JAK1: variants seen among roughly 807,000 people sequenced by gnomAD.
The protein encoded by JAK1 is tyrosine-protein kinase JAK1.
Under a neutral mutation model 136.6 loss-of-function variants are expected in JAK1, and 16 were observed. The observed-to-expected ratio is 0.12, with a 90% CI of 0.08 to 0.18. The LOEUF (loss-of-function observed/expected upper bound fraction) is 0.18, where lower values mean the gene tolerates loss of function less well. Among genes scored for constraint, JAK1 ranks in the 10% least tolerant of loss-of-function variants. JAK1 has a pLI of 1.00. For missense variants in JAK1, 859 were observed against 1,450.1 expected (o/e 0.59, Z 6.62); for synonymous variants, 492 against 519.5 (o/e 0.95, Z 0.72).
At chr1:64,861,746 G>GC (rs1656359377) in intron 8 of JAK1, among the ~76,000 whole-genome samples, 1 of 152,192 alleles carries the variant, frequency 6.6e-6, no homozygotes, top group Non-Finnish European at 1.5e-5. Context: ...AAGGAAGCAT[G>GC]CCTGGGGCTA....
chr1:64,882,713 G>C (rs1185306208), intron 3 of JAK1, among the ~76,000 whole-genome samples: 1 of 152,174 alleles, frequency 6.6e-6, no homozygotes, highest in Non-Finnish European at 1.5e-5. Flanking sequence ...AAAAAAGCTT[G>C]TGTTGTTGAG....
chr1:64,936,893 T>C (rs1384622856), intron 1 of JAK1, among the ~76,000 whole-genome samples: 1 of 152,090 alleles, frequency 6.6e-6, no homozygotes, highest in Non-Finnish European at 1.5e-5. Flanking sequence ...CTGCCAATAT[T>C]TGACCATTTT....
intron 1 of JAK1, among the ~76,000 whole-genome samples, chr1:64,964,599 G>A (rs1344632809): frequency 6.6e-6 from 1 of 152,200 alleles, no homozygotes; most frequent in African/African-American, 2.4e-5. Flanking sequence ...AGTATGAAAT[G>A]GAGGAAACCA....
At chr1:64,842,823 T>TA (rs1248547197) in intron 17 of JAK1, among the ~76,000 whole-genome samples, 2 of 152,222 alleles carry the variant, frequency 1.3e-5, no homozygotes, top group Non-Finnish European at 2.9e-5. Context: ...GTAGATCTGA[T>TA]GGTTTCCCTG....
In JAK1 at chr1:65,030,000, C is replaced by A. The variant is rs540281695; in HGVS notation, c.-78+14480G>T. 4.3e-4 allele frequency among the ~76,000 whole-genome samples: 66 copies of A among 152,090 alleles called. 2 individuals carry two copies. The South Asian group carries it at 0.014, about 31-fold the overall frequency. ...GTTATGGACTGTGTGTTCCCCCACA[C>A]CAAAATCCGTGTTTTGAAGCCCTAA... On this transcript the variant is annotated intron_variant, in intron 2 of 25. Transcript: ENST00000671954.
intron 1 of JAK1, among the ~76,000 whole-genome samples, chr1:65,063,331 C>G (rs185860952): frequency 1.4e-4 from 22 of 152,304 alleles, no homozygotes; most frequent in Admixed American, 1.4e-3. Context: ...GTGGGTATCC[C>G]AATTTTCCCA....
chr1:64,911,000 C>CTTT (rs1395135866), intron 1 of JAK1, among the ~76,000 whole-genome samples: 2 of 151,690 alleles, frequency 1.3e-5, no homozygotes, highest in African/African-American at 2.4e-5. Flanking sequence ...TTCAAATTTA[C>CTTT]TTTCTTAAGA....
intron 2 of JAK1, among the ~76,000 whole-genome samples, chr1:64,997,151 G>T (rs1646711262): frequency 6.6e-6 from 1 of 152,176 alleles, no homozygotes; most frequent in African/African-American, 2.4e-5. Context: ...ATCTCTGAAT[G>T]AAGGTAACGT....
intron 2 of JAK1, among the ~76,000 whole-genome samples, 168 bp from the exon 3 acceptor site, chr1:64,883,643 A>C (rs933209184): frequency 6.6e-6 from 1 of 152,122 alleles, no homozygotes; most frequent in Non-Finnish European, 1.5e-5. Context: ...GTCAGATCTC[A>C]TAAGAGATGA....
chr1:65,064,836 TTTAA>T (rs1236372411), intron 1 of JAK1, among the ~76,000 whole-genome samples: 1 of 152,248 alleles, frequency 6.6e-6, no homozygotes, highest in Non-Finnish European at 1.5e-5. Context: ...GAGGCCCCTC[TTTAA>T]TTCATATTCT....
At chr1:64,898,137 GA>G (rs1449325535) in intron 1 of JAK1, among the ~76,000 whole-genome samples, 1 of 152,154 alleles carries the variant, frequency 6.6e-6, no homozygotes, top group Non-Finnish European at 1.5e-5. Flanking sequence ...TGTAAATCAT[GA>G]TGTTAATGAG....
chr1:64,836,794 T>TCAGACTCCCTGGCTC (rs111512281), intron 22 of JAK1, among the ~76,000 whole-genome samples: 54 of 152,130 alleles, frequency 3.5e-4, no homozygotes, highest in East Asian at 1.4e-3. Flanking sequence ...AGCAGCCAAA[T>TCAGACTCCCTGGCTC]CAGACTCCCT....
rs187059187 is a variant in JAK1, at chr1:64,939,651, A to G, written c.-78+26682T>C. On this transcript the variant is annotated intron_variant, in intron 1 of 24. Transcript: ENST00000342505. The stretch of plus-strand genomic sequence containing the variant: ...ATACTAGGAGCTGGGCACATAGTAG[A>G]TACATAATTTATAAGGTCCTAGTCA... Among the ~76,000 whole-genome samples the G allele has an allele frequency of 4.2e-4, 64 of 152,370 alleles. 1 individual carries two copies. Among genetic ancestry groups the G allele is most frequent in the African/African-American group, 1.4e-3 (60 of 41,590 alleles).
At chr1:64,967,619 G>C (rs1300044434), upstream of JAK1, among the ~76,000 whole-genome samples, 2 of 152,114 alleles carry the variant, frequency 1.3e-5, no homozygotes, top group Non-Finnish European at 2.9e-5. Flanking sequence ...CTGATCACTT[G>C]AGTTACTGCA....
chr1:64,898,351 G>A (rs1387958342), intron 1 of JAK1, among the ~76,000 whole-genome samples: 1 of 152,204 alleles, frequency 6.6e-6, no homozygotes, highest in Non-Finnish European at 1.5e-5. Flanking sequence ...TTGGATAAAA[G>A]GGAATACAGA....
intron 11 of JAK1, among the ~76,000 whole-genome samples, chr1:64,854,556 A>G (rs920424326): frequency 1.3e-5 from 2 of 152,182 alleles, no homozygotes; most frequent in East Asian, 3.9e-4. Flanking sequence ...CATCTATAAA[A>G]TGAGACAGTT....
chr1:64,901,991 CG>C (rs1216441369), intron 1 of JAK1, among the ~76,000 whole-genome samples: 34 of 152,180 alleles, frequency 2.2e-4, no homozygotes, highest in Non-Finnish European at 3.4e-4. Context: ...AGGGCATTTA[CG>C]TTTTTTTAAA....
chr1:64,913,431 A>C (rs1398170934), intron 1 of JAK1, among the ~76,000 whole-genome samples: 2 of 152,132 alleles, frequency 1.3e-5, no homozygotes, highest in African/African-American at 4.8e-5. Flanking sequence ...AATTTCACTC[A>C]ATAAATAATT....
At chr1:65,036,470 T>A (rs2100825328) in intron 2 of JAK1, among the ~76,000 whole-genome samples, 1 of 152,200 alleles carries the variant, frequency 6.6e-6, no homozygotes, top group Non-Finnish European at 1.5e-5. Context: ...GAACAAGGTA[T>A]GGGCAGCAAA....
Sources: gnomAD v4.1 joint callset for allele counts (sites outside exome capture counted in the v4.1 genomes callset) on GRCh38, gnomAD v4.1.1 for gene constraint, MANE v1.5 for transcripts, NCBI Gene and HGNC (gene_info 2026-07-23, HGNC 2026-07-21) for gene names.